The following ZNF500 variants were observed in gnomAD, a reference collection of about 807,000 sequenced individuals.
The protein encoded by ZNF500 is zinc finger protein 500.
Under a neutral mutation model 30.1 loss-of-function variants are expected in ZNF500, and 31 were observed. That is an observed-to-expected ratio of 1.03 (90% CI 0.77 to 1.39). The LOEUF (loss-of-function observed/expected upper bound fraction) is 1.39, where lower values mean the gene tolerates loss of function less well. ZNF500 is among the 40% of genes most tolerant of loss of function. ZNF500 has a pLI of 0.00. For missense variants in ZNF500, 817 were observed against 657.8 expected (o/e 1.24, Z -2.65); for synonymous variants, 392 against 282.0 (o/e 1.39, Z -3.91).
downstream of ZNF500, chr16:4,746,774 C>T: frequency 2.5e-6 from 2 of 785,448 alleles, no homozygotes; most frequent in Non-Finnish European, 3.9e-6. Flanking sequence ...CCACACCTGT[C>T]CTCACCTCCT....
Position 4,760,599 on chromosome 16 carries a change from G to A in ZNF500, c.664-11C>T, listed in dbSNP as rs777618223. The A allele has an allele frequency of 8.7e-6, 14 of 1,611,818 alleles. No homozygotes were observed. Among genetic ancestry groups the A allele is most frequent in the South Asian group, 4.4e-5 (4 of 90,714 alleles). ...CAAGTTCACGGGCACCTGCCAGAAC[G>A]CACCCCACTCAGTCCTGGCCCCAAG... On this transcript the variant is annotated splice_polypyrimidine_tract_variant and intron_variant, in intron 4 of 5. Transcript: ENST00000219478.
chr16:4,764,132 A>G (rs2082236988), intron 2 of ZNF500: 1 of 981,106 alleles, frequency 1.0e-6, no homozygotes, highest in African/African-American at 1.7e-5. Flanking sequence ...TCGGTGTGTC[A>G]GAAGGGTCCT....
At chr16:4,746,209 A>T, downstream of ZNF500, 1 of 682,932 alleles carries the variant, frequency 1.5e-6, no homozygotes. Flanking sequence ...TAAATCTCGC[A>T]TGCTGTTCTG....
At chr16:4,766,347 G>C (rs181898062) in intron 1 of ZNF500, among the ~76,000 whole-genome samples, 5 of 152,322 alleles carry the variant, frequency 3.3e-5, no homozygotes, top group Admixed American at 6.5e-5. Context: ...GGGATGGCTG[G>C]GGGCAGTAGC....
intron 5 of ZNF500, among the ~76,000 whole-genome samples, chr16:4,757,152 T>A (rs73511092): frequency 6.6e-6 from 1 of 152,166 alleles, no homozygotes; most frequent in Admixed American, 6.5e-5. Context: ...TACTGAAATA[T>A]GGCTAATTTT....
intron 5 of ZNF500, 132 bp from the exon 6 acceptor site, chr16:4,753,190 G>C: frequency 1.4e-6 from 2 of 1,411,880 alleles, no homozygotes; most frequent in African/African-American, 2.9e-5. Context: ...GCTGGGCACT[G>C]TGGCTCACGC....
Position 4,751,377 on chromosome 16 carries a change from C to T in ZNF500, c.*999G>A. Reference sequence around the variant, plus strand: ...GGCCAGGAGCAAACGCAGCCCTGGGCCCCGGCCCTGGGGAGATGTCAGGCC... The same window carrying T: ...GGCCAGGAGCAAACGCAGCCCTGGGTCCCGGCCCTGGGGAGATGTCAGGCC... On this transcript the variant is annotated 3_prime_UTR_variant, in exon 6 of 6. Transcript: ENST00000219478. 1 of 560,894 alleles carries T rather than the reference C, an allele frequency of 1.8e-6. No homozygotes were observed. Among genetic ancestry groups the T allele is most frequent in the East Asian group, 3.2e-5 (1 of 31,646 alleles). The allele number at this position is 560,894 out of a possible 1,614,324, so 34.7% of individuals were successfully genotyped here.
intron 4 of ZNF500, among the ~76,000 whole-genome samples, chr16:4,761,205 G>T (rs1275490114): frequency 6.6e-6 from 1 of 152,050 alleles, no homozygotes; most frequent in Non-Finnish European, 1.5e-5. Context: ...GGGAGGCCAA[G>T]GCAGGTGGAT....
chr16:4,763,883 G>GGCCAGCAGTGTGCA, intron 2 of ZNF500: 1 of 985,454 alleles, frequency 1.0e-6, no homozygotes, highest in East Asian at 1.1e-4. Context: ...GGCTGCAAAA[G>GGCCAGCAGTGTGCA]GCCAGCAGTG....
rs17137247 is a variant in ZNF500, at chr16:4,753,972, C to A, written c.761-914G>T. 8.0e-3 allele frequency among the ~76,000 whole-genome samples: 1,223 copies of A among 152,334 alleles called. 15 individuals carry two copies. The highest frequency in any genetic ancestry group is 0.028 in the African/African-American group (1,157 of 41,586). On this transcript the variant is annotated intron_variant, in intron 5 of 5. Transcript: ENST00000219478. ...GGTTCTAGAGCCACCACCAACAGGACAGGAGAACAGGGAGAGGGGCCTGGA... is the reference window on the plus strand; with the variant it reads ...GGTTCTAGAGCCACCACCAACAGGAAAGGAGAACAGGGAGAGGGGCCTGGA...
downstream of ZNF500, chr16:4,746,560 T>C (rs1321004415): frequency 1.9e-6 from 3 of 1,581,610 alleles, no homozygotes; most frequent in African/African-American, 2.7e-5. Context: ...TTTGCAGAGT[T>C]GCCTGTTGAC....
chr16:4,754,677 A>C lies in ZNF500; in HGVS notation c.761-1619T>G, dbSNP rs188153951. On this transcript the variant is annotated intron_variant, in intron 5 of 5. Coordinates refer to ENST00000219478, the MANE Select transcript of ZNF500 (RefSeq NM_021646.4). ...AGACTCTGTCTCAAAAAAATAAAAA[A>C]AAAAAAAATAGAAAATAAATAAAAC... Among the ~76,000 whole-genome samples, 3 of 151,416 alleles carry C rather than the reference A, an allele frequency of 2.0e-5. No homozygotes were observed. In the South Asian group the frequency reaches 6.2e-4, roughly 31 times the overall value.
intron 5 of ZNF500, among the ~76,000 whole-genome samples, chr16:4,759,745 G>A (rs1015590535): frequency 1.3e-5 from 2 of 151,970 alleles, no homozygotes; most frequent in African/African-American, 4.8e-5. Context: ...ATTAGAAAAG[G>A]CTTCAGCATG....
intron 5 of ZNF500, chr16:4,758,606 C>T (rs1338611938): frequency 1.3e-5 from 2 of 152,170 alleles, no homozygotes; most frequent in Non-Finnish European, 2.9e-5. Context: ...GGGCAGCATC[C>T]CCACCTTCTG....
chr16:4,761,045 TCA>T (rs750637996), intron 4 of ZNF500, among the ~76,000 whole-genome samples: 46 of 152,158 alleles, frequency 3.0e-4, no homozygotes, highest in Non-Finnish European at 6.2e-4. Context: ...ACAGGCAAAT[TCA>T]CAGAGACAAG....
In ZNF500 at chr16:4,753,006, C is replaced by A; in HGVS notation, c.813G>T (p.Leu271Phe). 1 of 1,567,648 alleles carries A rather than the reference C, an allele frequency of 6.4e-7. No individual in the cohort carries two copies. The highest frequency in any genetic ancestry group is 8.6e-7 in the Non-Finnish European group (1 of 1,157,372). ...AGAGCACTCGGTACCACTCCATTCTCAACGGGGCATCCTCCCTGCCATCAC... is the reference window on the plus strand; with the variant it reads ...AGAGCACTCGGTACCACTCCATTCTAAACGGGGCATCCTCCCTGCCATCAC... ...DGGDGREDAPLRMEWYRVLSA... is the reference protein window; with the variant it reads ...DGGDGREDAPFRMEWYRVLSA... Residue 271 changes from leucine (L) to phenylalanine (F), a missense_variant, in exon 6 of 6, where the codon TTG becomes TTT. Physicochemically the swap from Leu to Phe is conservative, Grantham distance 22. Transcript: ENST00000219478.
downstream of ZNF500, among the ~76,000 whole-genome samples, chr16:4,744,679 C>T (rs1481338602): frequency 1.3e-5 from 2 of 152,172 alleles, no homozygotes; most frequent in African/African-American, 4.8e-5. Flanking sequence ...AAAGATTCTG[C>T]CCCCCTCAGC....
downstream of ZNF500, chr16:4,745,028 G>A (rs1170155893): frequency 3.1e-6 from 5 of 1,609,530 alleles, no homozygotes; most frequent in African/African-American, 1.3e-5. Context: ...CTTGTAGCCA[G>A]GCCCGGCTCC....
downstream of ZNF500, chr16:4,747,742 G>A: frequency 7.5e-7 from 1 of 1,331,746 alleles, no homozygotes; most frequent in Non-Finnish European, 1.0e-6. Context: ...CATTCCAGAG[G>A]CAGGGACCCT....
Sources: gnomAD v4.1 joint callset for allele counts (sites outside exome capture counted in the v4.1 genomes callset) on GRCh38, gnomAD v4.1.1 for gene constraint, MANE v1.5 for transcripts, NCBI Gene and HGNC (gene_info 2026-07-23, HGNC 2026-07-21) for gene names.